Variants in NR3C2 observed in about 807,000 individuals in gnomAD.
NR3C2 encodes mineralocorticoid receptor.
In NR3C2, 15 loss-of-function variants were observed where a neutral mutation model predicts 86.4. The observed-to-expected ratio is 0.17, with a 90% CI of 0.12 to 0.27. The LOEUF (loss-of-function observed/expected upper bound fraction) is 0.27. NR3C2 is among the 10% of genes least tolerant of loss of function. The pLI, the probability that NR3C2 is intolerant of heterozygous loss-of-function variation, is 1.00. For missense variants in NR3C2, 960 were observed against 1,195.6 expected (o/e 0.80, Z 2.91); for synonymous variants, 458 against 450.5 (o/e 1.02, Z -0.21).
At chr4:148,213,689 T>C (rs1251921602) in intron 3 of NR3C2, among the ~76,000 whole-genome samples, 2 of 152,206 alleles carry the variant, frequency 1.3e-5, no homozygotes, top group Non-Finnish European at 2.9e-5. Context: ...AATTGAATTC[T>C]GATTAAAGTT....
chr4:148,345,516 T>A (rs1744946502), intron 2 of NR3C2, among the ~76,000 whole-genome samples: 1 of 152,004 alleles, frequency 6.6e-6, no homozygotes, highest in African/African-American at 2.4e-5. Flanking sequence ...ATGGATTTAT[T>A]TTTGAGGGGG....
chr4:148,091,339 C>T (rs979377778), intron 8 of NR3C2, among the ~76,000 whole-genome samples: 2 of 152,258 alleles, frequency 1.3e-5, no homozygotes, highest in Admixed American at 1.3e-4. Flanking sequence ...TGGCCTGCTA[C>T]AGCCAGTGGG....
chr4:148,320,649 C>A (rs1004127542), intron 2 of NR3C2, among the ~76,000 whole-genome samples: 1 of 151,696 alleles, frequency 6.6e-6, no homozygotes, highest in Non-Finnish European at 1.5e-5. Context: ...TCTAGATTTT[C>A]TAGTTTATTT....
At chr4:148,162,151 G>A (rs1435755823) in intron 4 of NR3C2, among the ~76,000 whole-genome samples, 1 of 152,118 alleles carries the variant, frequency 6.6e-6, no homozygotes, top group East Asian at 1.9e-4. Context: ...AGGGGCTCAA[G>A]GGAATCTGAG....
chr4:148,193,489 T>C (rs1218834417), intron 4 of NR3C2, among the ~76,000 whole-genome samples: 1 of 152,234 alleles, frequency 6.6e-6, no homozygotes, highest in Non-Finnish European at 1.5e-5. Context: ...TCCTGCCTCC[T>C]GTCCACCATG....
intron 2 of NR3C2, among the ~76,000 whole-genome samples, chr4:148,344,073 C>A (rs546639908): frequency 1.3e-5 from 2 of 152,110 alleles, no homozygotes; most frequent in African/African-American, 4.8e-5. Context: ...ATGTTTTATT[C>A]AAAATGTAAA....
At chr4:148,112,874 A>G (rs1286861856) in intron 8 of NR3C2, among the ~76,000 whole-genome samples, 2 of 152,204 alleles carry the variant, frequency 1.3e-5, no homozygotes, top group African/African-American at 2.4e-5. Context: ...CTGGTCATCA[A>G]TGATGCCTGT....
intron 2 of NR3C2, among the ~76,000 whole-genome samples, chr4:148,308,878 G>A (rs935403428): frequency 2.6e-5 from 4 of 152,150 alleles, no homozygotes; most frequent in Admixed American, 1.3e-4. Context: ...AGCTACTTGG[G>A]AGGCTGAGGT....
chr4:148,320,992 C>T (rs1743550254), intron 2 of NR3C2, among the ~76,000 whole-genome samples: 1 of 149,896 alleles, frequency 6.7e-6, no homozygotes, highest in Non-Finnish European at 1.5e-5. Context: ...TTGGATCTTT[C>T]CTGCTTTCTC....
intron 2 of NR3C2, among the ~76,000 whole-genome samples, chr4:148,408,156 T>C (rs1296406203): frequency 6.6e-6 from 1 of 152,212 alleles, no homozygotes; most frequent in Non-Finnish European, 1.5e-5. Context: ...CTATCACATT[T>C]GAACTAGCAG....
intron 3 of NR3C2, among the ~76,000 whole-genome samples, chr4:148,236,346 C>T (rs1312711123): frequency 6.6e-6 from 1 of 152,114 alleles, no homozygotes; most frequent in African/African-American, 2.4e-5. Flanking sequence ...AGCATTTGTG[C>T]TTTCATTTTC....
intron 3 of NR3C2, among the ~76,000 whole-genome samples, chr4:148,218,714 T>C (rs1286831937): frequency 6.6e-6 from 1 of 152,194 alleles, no homozygotes; most frequent in Non-Finnish European, 1.5e-5. Flanking sequence ...ATCTAGTTTC[T>C]GTCTCTTTAG....
In NR3C2 at chr4:148,324,864, G is replaced by A. The variant is rs77305543; in HGVS notation, c.1758-64747C>T. On this transcript the variant is annotated intron_variant, in intron 2 of 8. Transcript: ENST00000358102. ...CATCCTGCCTGCCTTAACAAGTATC[G>A]TAGAAATCTTTTTGTTGTTCACTGC... Among the ~76,000 whole-genome samples, 824 of 152,252 alleles carry A rather than the reference G, an allele frequency of 5.4e-3. 12 individuals are homozygous for A. Among genetic ancestry groups the A allele is most frequent in the African/African-American group, 0.019 (780 of 41,538 alleles).
At chr4:148,424,498 G>A (rs72953960) in intron 2 of NR3C2, among the ~76,000 whole-genome samples, 1,927 of 152,192 alleles carry the variant, frequency 0.013, 35 homozygotes, top group African/African-American at 0.044. Context: ...TATTTATATT[G>A]GCTTTAACTG....
At chr4:148,188,676 A>T (rs773057389) in intron 4 of NR3C2, among the ~76,000 whole-genome samples, 53 of 152,198 alleles carry the variant, frequency 3.5e-4, no homozygotes, top group Non-Finnish European at 6.5e-4. Context: ...TATCATCAGC[A>T]AACAGTGACA....
At chr4:148,289,298 G>A (rs1366018685) in intron 2 of NR3C2, among the ~76,000 whole-genome samples, 2 of 144,570 alleles carry the variant, frequency 1.4e-5, no homozygotes, top group Non-Finnish European at 3.0e-5. Context: ...AAACCATGAT[G>A]TGAATATGAC....
At chr4:148,376,560 G>C (rs993126206) in intron 2 of NR3C2, among the ~76,000 whole-genome samples, 14 of 152,128 alleles carry the variant, frequency 9.2e-5, no homozygotes, top group Non-Finnish European at 1.8e-4. Context: ...AAGAGTTTTA[G>C]CTTAAACTTT....
chr4:148,346,655 C>T lies in NR3C2; in HGVS notation c.1758-86538G>A, dbSNP rs189922455. ...AGTGAAATGTACTATAAATAAGATA[C>T]ATGCTACATTTCCAAGACAGTATGA... On this transcript the variant is annotated intron_variant, in intron 2 of 8. Coordinates refer to ENST00000358102, the MANE Select transcript of NR3C2 (RefSeq NM_000901.5). Among the ~76,000 whole-genome samples, 4 of 152,202 alleles carry T rather than the reference C, an allele frequency of 2.6e-5. No homozygotes were observed. The East Asian group carries it at 7.7e-4, about 29-fold the overall frequency.
chr4:148,146,976 T>G (rs1005545206), intron 6 of NR3C2, among the ~76,000 whole-genome samples: 1 of 151,716 alleles, frequency 6.6e-6, no homozygotes, highest in African/African-American at 2.4e-5. Flanking sequence ...TCAGTGGGAG[T>G]TTTAATATGT....
Sources: allele counts gnomAD v4.1 joint callset (sites outside exome capture counted in the v4.1 genomes callset), GRCh38; gene constraint gnomAD v4.1.1; transcripts MANE v1.5; gene names NCBI Gene and HGNC (gene_info 2026-07-23, HGNC 2026-07-21).